Variants in CNTN4 observed in about 807,000 individuals in gnomAD.
The protein encoded by CNTN4 is contactin 4.
CNTN4 carries 77 observed loss-of-function variants against 122.5 expected under a neutral mutation model. The observed-to-expected ratio is 0.63, with a 90% CI of 0.52 to 0.76. CNTN4 has a LOEUF of 0.76. CNTN4 is among the 30% of genes least tolerant of loss of function. The pLI, the probability that CNTN4 is intolerant of heterozygous loss-of-function variation, is 0.00. For synonymous variants in CNTN4, 512 were observed against 447.0 expected (o/e 1.15, Z -1.83); for missense variants, 1,256 against 1,259.1 (o/e 1.00, Z 0.04).
intron 4 of CNTN4, among the ~76,000 whole-genome samples, chr3:2,572,958 T>C (rs1296317876): frequency 1.3e-5 from 2 of 152,240 alleles, no homozygotes; most frequent in African/African-American, 4.8e-5. Flanking sequence ...TTATCCAATT[T>C]CTTTCTTCCA....
chr3:2,469,208 A>G (rs1441967258), intron 3 of CNTN4, among the ~76,000 whole-genome samples: 1 of 152,216 alleles, frequency 6.6e-6, no homozygotes, highest in East Asian at 1.9e-4. Flanking sequence ...TCATTCCTAA[A>G]ATATCCAAAT....
chr3:3,006,040 C>G (rs112492005), intron 14 of CNTN4, among the ~76,000 whole-genome samples: 34 of 152,126 alleles, frequency 2.2e-4, no homozygotes, highest in African/African-American at 8.2e-4. Flanking sequence ...CGCCCACCCC[C>G]ACGCTCGGCT....
At chr3:2,481,468 G>A (rs2076004514) in intron 3 of CNTN4, among the ~76,000 whole-genome samples, 1 of 151,840 alleles carries the variant, frequency 6.6e-6, no homozygotes, top group South Asian at 2.1e-4. Context: ...AAATGGTCCT[G>A]GAACAACTGA....
At chr3:2,910,692 GTGAA>G (rs151255343) in intron 12 of CNTN4, among the ~76,000 whole-genome samples, 8,306 of 152,304 alleles carry the variant, frequency 0.055, 315 homozygotes, top group Middle Eastern at 0.14. Context: ...CTTTGAATTT[GTGAA>G]TGAATAAATA....
At chr3:2,440,044 C>G (rs1001522604) in intron 3 of CNTN4, among the ~76,000 whole-genome samples, 1 of 152,188 alleles carries the variant, frequency 6.6e-6, no homozygotes, top group Non-Finnish European at 1.5e-5. Context: ...AGAAGTGTTA[C>G]AAACCTGAAG....
intron 11 of CNTN4, 21 bp from the exon 12 acceptor site, chr3:2,902,855 T>A (rs1308188055): frequency 6.2e-7 from 1 of 1,609,236 alleles, no homozygotes; most frequent in East Asian, 2.2e-5. Flanking sequence ...ATTGTTTTTA[T>A]GTTCCTCTTT....
intron 4 of CNTN4, among the ~76,000 whole-genome samples, chr3:2,661,389 C>A (rs1271155995): frequency 6.6e-6 from 1 of 152,004 alleles, no homozygotes; most frequent in Non-Finnish European, 1.5e-5. Context: ...ACTTTCTATA[C>A]AAGATTTTGC....
chr3:2,725,662 A>G (rs2088175558), intron 4 of CNTN4, among the ~76,000 whole-genome samples: 1 of 152,166 alleles, frequency 6.6e-6, no homozygotes, highest in Non-Finnish European at 1.5e-5. Context: ...GAAGGGGTAC[A>G]GTTCAAGGAA....
chr3:2,110,148 G>A (rs1373992641), intron 2 of CNTN4, among the ~76,000 whole-genome samples: 1 of 152,236 alleles, frequency 6.6e-6, no homozygotes, highest in African/African-American at 2.4e-5. Flanking sequence ...GTTTAGAATA[G>A]AGTATGGGCC....
chr3:2,655,817 C>G (rs529585031), intron 4 of CNTN4, among the ~76,000 whole-genome samples: 1 of 152,088 alleles, frequency 6.6e-6, no homozygotes, highest in Non-Finnish European at 1.5e-5. Flanking sequence ...GAAATCACTG[C>G]GGGATTACCA....
intron 2 of CNTN4, among the ~76,000 whole-genome samples, chr3:2,290,261 A>G (rs914211041): frequency 1.3e-5 from 2 of 152,214 alleles, no homozygotes; most frequent in African/African-American, 4.8e-5. Flanking sequence ...CTTCCGGGCC[A>G]TAATGCAGGA....
intron 6 of CNTN4, among the ~76,000 whole-genome samples, chr3:2,759,017 A>G (rs2090466511): frequency 6.6e-6 from 1 of 152,130 alleles, no homozygotes. Context: ...CCTGATAACC[A>G]CTAATCTACT....
At chr3:2,558,097 T>C (rs1275403344) in intron 3 of CNTN4, among the ~76,000 whole-genome samples, 18 of 152,222 alleles carry the variant, frequency 1.2e-4, no homozygotes. Flanking sequence ...TAGAAAATTA[T>C]TTATGCACCA....
At chr3:2,971,729 C>T (rs1283385110) in intron 13 of CNTN4, among the ~76,000 whole-genome samples, 1 of 152,100 alleles carries the variant, frequency 6.6e-6, no homozygotes, top group Non-Finnish European at 1.5e-5. Flanking sequence ...TCCATAAAAA[C>T]TTTATCTTCT....
At chr3:2,638,951 G>A (rs914771528) in intron 4 of CNTN4, among the ~76,000 whole-genome samples, 11 of 152,250 alleles carry the variant, frequency 7.2e-5, no homozygotes, top group Non-Finnish European at 1.5e-4. Flanking sequence ...ACACCAGCAA[G>A]CATCTTTCTT....
chr3:2,221,319 C>A (rs573151404), intron 2 of CNTN4, among the ~76,000 whole-genome samples: 62 of 152,126 alleles, frequency 4.1e-4, no homozygotes, highest in Non-Finnish European at 7.8e-4. Context: ...ATTTTTCATT[C>A]ACATTAACAT....
rs552328747 is a variant in CNTN4, at chr3:2,740,623, T to C, written c.182+4282T>C. On this transcript the variant is annotated intron_variant, in intron 5 of 24. Coordinates refer to ENST00000418658, the MANE Select transcript of CNTN4 (RefSeq NM_175607.3). ...ATTTTTATAACTTACATACATCTTA[T>C]AAATATTATGCCTCTATTCAAATTT... Among the ~76,000 whole-genome samples the C allele has an allele frequency of 4.0e-5, 6 of 151,106 alleles. No individual in the cohort carries two copies. In the South Asian group the frequency reaches 1.3e-3, roughly 32 times the overall value.
intron 3 of CNTN4, among the ~76,000 whole-genome samples, chr3:2,377,574 A>G (rs558161052): frequency 1.3e-5 from 2 of 152,336 alleles, no homozygotes; most frequent in South Asian, 4.1e-4. Context: ...TTTCTTTTAA[A>G]AAACACAGCT....
chr3:2,249,930 T>G (rs1435652993), intron 2 of CNTN4, among the ~76,000 whole-genome samples: 1 of 151,896 alleles, frequency 6.6e-6, no homozygotes, highest in Non-Finnish European at 1.5e-5. Flanking sequence ...ACTTTTCATT[T>G]CCTGCTTTAA....
Sources: allele counts gnomAD v4.1 joint callset (sites outside exome capture counted in the v4.1 genomes callset), GRCh38; gene constraint gnomAD v4.1.1; transcripts MANE v1.5; gene names NCBI Gene and HGNC (gene_info 2026-07-23, HGNC 2026-07-21).